Variants in PARD3 observed in about 807,000 individuals in gnomAD.
The protein encoded by PARD3 is par-3 family cell polarity regulator, also known as partitioning defective 3 homolog.
PARD3 carries 75 observed loss-of-function variants against 155.4 expected under a neutral mutation model. The ratio of observed to expected loss-of-function variants is 0.48; its 90% CI spans 0.40 to 0.58. PARD3 has a LOEUF of 0.58. Among genes scored for constraint, PARD3 ranks in the 20% least tolerant of loss-of-function variants. The pLI, the probability that PARD3 is intolerant of heterozygous loss-of-function variation, is 0.00. For missense variants in PARD3, 1,642 were observed against 1,721.7 expected, an observed-to-expected ratio of 0.95 and a Z score of 0.82; for synonymous variants, 576 against 610.5, an observed-to-expected ratio of 0.94 and a Z score of 0.83.
intron 2 of PARD3, among the ~76,000 whole-genome samples, chr10:34,592,337 T>A (rs1052936497): frequency 6.6e-6 from 1 of 152,230 alleles, no homozygotes; most frequent in Non-Finnish European, 1.5e-5. Context: ...CTGTGAATGG[T>A]AATTGATACA....
intron 22 of PARD3, among the ~76,000 whole-genome samples, chr10:34,258,225 TAC>T (rs1169822254): frequency 6.6e-6 from 1 of 152,124 alleles, no homozygotes; most frequent in Admixed American, 6.6e-5. Context: ...TTGTTTCAGG[TAC>T]AAAACTCCAG....
At chr10:34,581,215 T>A (rs1478722179) in intron 2 of PARD3, among the ~76,000 whole-genome samples, 1 of 144,234 alleles carries the variant, frequency 6.9e-6, no homozygotes, top group Non-Finnish European at 1.5e-5. Context: ...TTTATTTTGG[T>A]TATTTTTCTT....
intron 1 of PARD3, among the ~76,000 whole-genome samples, chr10:34,750,165 G>C (rs981024744): frequency 6.6e-6 from 1 of 151,466 alleles, no homozygotes; most frequent in Non-Finnish European, 1.5e-5. Flanking sequence ...CATAAGCTTG[G>C]AAAATAAAAG....
chr10:34,345,571 A>G, intron 15 of PARD3: 2 of 985,306 alleles, frequency 2.0e-6, no homozygotes, highest in Non-Finnish European at 2.4e-6. Context: ...CTATGCGCCT[A>G]GATACTGTGC....
intron 2 of PARD3, among the ~76,000 whole-genome samples, chr10:34,677,283 C>A (rs2093726809): frequency 6.6e-6 from 1 of 151,986 alleles, no homozygotes; most frequent in East Asian, 1.9e-4. Flanking sequence ...GAGTTTGCAA[C>A]CAGCCTGGGC....
intron 1 of PARD3, among the ~76,000 whole-genome samples, chr10:34,725,105 T>TTG (rs71033342): frequency 0.057 from 7,684 of 135,720 alleles, 235 homozygotes; most frequent in African/African-American, 0.092. Flanking sequence ...AGTCAAAACT[T>TTG]TGTGTGTGTG....
At chr10:34,255,107 C>T (rs1193817408) in intron 22 of PARD3, among the ~76,000 whole-genome samples, 1 of 151,892 alleles carries the variant, frequency 6.6e-6, no homozygotes, top group Non-Finnish European at 1.5e-5. Context: ...TCTGTTGCAA[C>T]CAAATTCTAA....
At chr10:34,304,396 T>C (rs1038792255) in intron 20 of PARD3, among the ~76,000 whole-genome samples, 1 of 151,372 alleles carries the variant, frequency 6.6e-6, no homozygotes, top group East Asian at 1.9e-4. Flanking sequence ...GAGAAAGCTA[T>C]AGAAATCAAG....
chr10:34,442,053 G>A (rs1255179713), intron 5 of PARD3, among the ~76,000 whole-genome samples: 1 of 152,102 alleles, frequency 6.6e-6, no homozygotes, highest in African/African-American at 2.4e-5. Context: ...AGATAAACAC[G>A]ACTATTTTGC....
At chr10:34,549,459 A>T (rs973025270) in intron 2 of PARD3, among the ~76,000 whole-genome samples, 2 of 152,208 alleles carry the variant, frequency 1.3e-5, no homozygotes, top group Non-Finnish European at 2.9e-5. Context: ...ACAATTCACC[A>T]ACACAAGGTA....
intron 2 of PARD3, among the ~76,000 whole-genome samples, chr10:34,610,884 G>A (rs2090842442): frequency 6.6e-6 from 1 of 152,112 alleles, no homozygotes; most frequent in Admixed American, 6.6e-5. Flanking sequence ...GTAAAGGGTG[G>A]TGTGTGGTGA....
At chr10:34,722,898 T>C (rs1433754790) in intron 1 of PARD3, among the ~76,000 whole-genome samples, 3 of 152,112 alleles carry the variant, frequency 2.0e-5, no homozygotes, top group Non-Finnish European at 4.4e-5. Flanking sequence ...TTCAAAATGA[T>C]GGAATGGAAA....
At chr10:34,534,808 C>A (rs2083107684) in intron 2 of PARD3, among the ~76,000 whole-genome samples, 1 of 152,150 alleles carries the variant, frequency 6.6e-6, no homozygotes, top group Non-Finnish European at 1.5e-5. Context: ...GTCAGGAATT[C>A]AAGACTAGCC....
chr10:34,267,603 G>A (rs1369824471), intron 22 of PARD3, among the ~76,000 whole-genome samples: 1 of 152,020 alleles, frequency 6.6e-6, no homozygotes, highest in Non-Finnish European at 1.5e-5. Flanking sequence ...ACTTCTTCCT[G>A]GGTTTGCCTA....
chr10:34,748,661 C>T (rs536705729), intron 1 of PARD3, among the ~76,000 whole-genome samples: 96 of 152,108 alleles, frequency 6.3e-4, no homozygotes, highest in African/African-American at 2.2e-3. Flanking sequence ...CCTGCTCCCA[C>T]TCTCTCTACC....
intron 2 of PARD3, among the ~76,000 whole-genome samples, chr10:34,695,519 G>C (rs2094152103): frequency 6.7e-6 from 1 of 148,820 alleles, no homozygotes. Flanking sequence ...TCTACATCCA[G>C]AGCCGAACAT....
rs747427282 is a variant in PARD3 at position 34,269,879 on chromosome 10, T to G, written c.3197A>C (p.Glu1066Ala). ...EQERIQAKTR[E>A]FRERQARERD... ...CTCTCGAGCTTGTCGTTCCCTAAAT[T>G]CTCGAGTTTTGGCTTGAATCCTATG... The change falls in exon 22 of 25, where the codon GAA becomes GCA. Residue 1066 changes from glutamate (E) to alanine (A), a missense_variant. This residue lies in a region of PARD3 where 1,529 missense variants were observed against 1,587.3 expected (regional missense o/e 0.96). Transcript: ENST00000374788. 4.3e-6 allele frequency: 7 copies of G among 1,613,524 alleles called. No homozygotes were observed. Among genetic ancestry groups the G allele is most frequent in the Non-Finnish European group, 5.9e-6 (7 of 1,179,842 alleles).
chr10:34,317,420 T>G, intron 19 of PARD3, 82 bp from the exon 20 acceptor site: 1 of 1,435,028 alleles, frequency 7.0e-7, no homozygotes, highest in Non-Finnish European at 9.3e-7. Context: ...TCAAGGACTT[T>G]ACTTTCCCAC....
intron 9 of PARD3, among the ~76,000 whole-genome samples, chr10:34,381,497 C>T (rs1174291410): frequency 6.6e-6 from 1 of 152,104 alleles, no homozygotes; most frequent in African/African-American, 2.4e-5. Context: ...AGTTTGCACT[C>T]AACTTTGAAG....
Sources: allele counts gnomAD v4.1 joint callset (sites outside exome capture counted in the v4.1 genomes callset), GRCh38; gene constraint gnomAD v4.1.1; regional missense constraint gnomAD v4.1.1; transcripts MANE v1.5; gene names NCBI Gene and HGNC (gene_info 2026-07-23, HGNC 2026-07-21).